Variants in KLHL23 observed in about 807,000 individuals in gnomAD.
The protein encoded by KLHL23 is kelch like family member 23.
A neutral mutation model predicts 48.9 loss-of-function variants in KLHL23; 33 were observed. The observed-to-expected ratio is 0.67, with a 90% confidence interval of 0.51 to 0.90. The LOEUF (loss-of-function observed/expected upper bound fraction) is 0.90. KLHL23 is among the 40% of genes least tolerant of loss of function. KLHL23 has a pLI of 0.00. For synonymous variants in KLHL23, 234 were observed against 231.6 expected (o/e 1.01, Z -0.09); for missense variants, 608 against 669.6 (o/e 0.91, Z 1.02).
intron 2 of KLHL23, among the ~76,000 whole-genome samples, chr2:169,738,537 T>G (rs920188862): frequency 6.6e-6 from 1 of 152,212 alleles, no homozygotes; most frequent in African/African-American, 2.4e-5. Flanking sequence ...CAGTCAAATT[T>G]AAAATTTATT....
Position 169,741,371 on chromosome 2 carries a change from T to C in KLHL23, c.1214-14T>C, listed in dbSNP as rs527593169. 12 of 1,590,812 alleles carry C rather than the reference T, an allele frequency of 7.5e-6. No individual in the cohort carries two copies. The African/African-American group carries it at 9.4e-5, about 13-fold the overall frequency. ...AAAGATCAATCTAAAGATGTGATTT[T>C]AATTAATACGTAGGTGTGGGAAATG... is the stretch of plus-strand genomic sequence containing the variant. On this transcript the variant is annotated splice_polypyrimidine_tract_variant and intron_variant, in intron 2 of 3. Transcript: ENST00000392647.
intron 3 of KLHL23, among the ~76,000 whole-genome samples, chr2:169,743,649 G>A (rs1688726227): frequency 6.6e-6 from 1 of 152,218 alleles, no homozygotes; most frequent in Non-Finnish European, 1.5e-5. Context: ...AGCCTTGGAT[G>A]TATTCCTTCT....
rs1231962508 is a variant in KLHL23 at position 169,736,369 on chromosome 2, A to G, written c.1213+142A>G. The G allele has an allele frequency of 4.0e-6, 5 of 1,253,738 alleles. No homozygotes were observed. The African/African-American group carries it at 6.1e-5, about 15-fold the overall frequency. The allele number at this position is 1,253,738 out of a possible 1,614,324, so 77.7% of individuals were successfully genotyped here. A position where few individuals can be genotyped will look rare whatever the true frequency, so the allele number is the denominator to read the frequency against. ...CAAATAATGCTACACAGAATGTTCC[A>G]GATAAAAACAGTATAGCATAGTTCC... is the stretch of plus-strand genomic sequence containing the variant. On this transcript the variant is annotated intron_variant, in intron 2 of 3. Coordinates refer to ENST00000392647, the MANE Select transcript of KLHL23 (RefSeq NM_144711.6).
intron 2 of KLHL23, among the ~76,000 whole-genome samples, chr2:169,739,142 A>G (rs1471991169): frequency 6.7e-6 from 1 of 149,314 alleles, no homozygotes; most frequent in Admixed American, 6.7e-5. Context: ...CAGGACCTCA[A>G]AATCGGTTTG....
intron 2 of KLHL23, among the ~76,000 whole-genome samples, chr2:169,740,670 A>G (rs1369031722): frequency 1.4e-4 from 21 of 149,992 alleles, no homozygotes; most frequent in Admixed American, 6.0e-4. Flanking sequence ...GGATGGTCTC[A>G]ATCTCCTGAC....
intron 2 of KLHL23, among the ~76,000 whole-genome samples, chr2:169,737,143 C>T (rs1269646098): frequency 6.6e-6 from 1 of 152,186 alleles, no homozygotes; most frequent in Non-Finnish European, 1.5e-5. Context: ...CCCTGTGCCC[C>T]CGTTTTGTCA....
chr2:169,743,861 A>G (rs928122835), intron 3 of KLHL23, among the ~76,000 whole-genome samples: 1 of 152,228 alleles, frequency 6.6e-6, no homozygotes, highest in African/African-American at 2.4e-5. Context: ...CATCCACTGA[A>G]TTATAGCAAG....
intron 2 of KLHL23, among the ~76,000 whole-genome samples, chr2:169,736,727 A>G (rs1437019677): frequency 2.6e-5 from 4 of 152,192 alleles, no homozygotes; most frequent in African/African-American, 4.8e-5. Flanking sequence ...GGGTCTCGGT[A>G]TCTGTCTGAT....
rs1177028270 is a variant in KLHL23, at chr2:169,735,607, A to C, written c.593A>C (p.Glu198Ala). Reference protein sequence around the residue: ...SRKNLSVWKEEAIIEPVIKWT... With the variant: ...SRKNLSVWKEAAIIEPVIKWT... ...AAGAATCTCAGTGTTTGGAAAGAAG[A>C]AGCTATCATAGAGCCAGTTATTAAG... The change falls in exon 2 of 4, where the codon GAA (glutamate) becomes GCA (alanine). Residue 198 changes from glutamate to alanine, a missense_variant. Around this residue, in one of 3 missense-constraint regions of KLHL23, gnomAD observed 419 missense variants for 473.1 expected, o/e 0.89. Transcript: ENST00000392647. This position sits in a 1 kb window ranked among gnomAD's most constrained non-coding sequence, Gnocchi z 4.5. The C allele has an allele frequency of 5.0e-6, 8 of 1,614,004 alleles. No homozygotes were observed. The Middle Eastern group carries it at 4.9e-4, about 100-fold the overall frequency.
chr2:169,735,700 A>G lies in KLHL23; in HGVS notation c.686A>G (p.Asp229Gly), dbSNP rs1574519302. ...AATCTACTGAGCTATATCAACATTG[A>G]TATAGATCCAGTGTACTTAAAAACA... is the stretch of plus-strand genomic sequence containing the variant. ...LYNLLSYINI[D>G]IDPVYLKTAL... The change falls in exon 2 of 4, where the codon GAT (aspartate) becomes GGT (glycine). Residue 229 changes from aspartate (D) to glycine (G), a missense_variant. Physicochemically the swap from Asp to Gly is moderately conservative, Grantham distance 94. This residue lies in a region of KLHL23 where 419 missense variants were observed against 473.1 expected (regional missense o/e 0.89). Coordinates refer to ENST00000392647, the MANE Select transcript of KLHL23 (RefSeq NM_144711.6). This position sits in a 1 kb window ranked among gnomAD's most constrained non-coding sequence, Gnocchi z 4.5. 3.1e-6 allele frequency: 5 copies of G among 1,614,014 alleles called. No homozygotes were observed. Among genetic ancestry groups the G allele is most frequent in the South Asian group, 1.1e-5 (1 of 91,078 alleles).
rs560998061 is a variant in KLHL23 at position 169,751,455 on chromosome 2, A to T, written c.*1723A>T. 5 of 152,352 alleles carry T rather than the reference A, an allele frequency of 3.3e-5. No individual in the cohort carries two copies. In the East Asian group the frequency reaches 9.6e-4, roughly 29 times the overall value. The allele number at this position is 152,352 out of a possible 1,614,324, so 9.4% of individuals were successfully genotyped here. On this transcript the variant is annotated 3_prime_UTR_variant, in exon 4 of 4. Coordinates refer to ENST00000392647, the MANE Select transcript of KLHL23 (RefSeq NM_144711.6). ...ATGGTACTACATAGCAAGGGCTGTA[A>T]AAATGACCATATCCTTTGCCCCATA...
chr2:169,740,768 ATATATAT>A (rs1558947738), intron 2 of KLHL23, among the ~76,000 whole-genome samples: 19 of 41,878 alleles, frequency 4.5e-4, no homozygotes, highest in Non-Finnish European at 9.1e-4. Context: ...TTTTTATATT[ATATATAT>A]ATATATATAT....
chr2:169,750,681 C>G lies in KLHL23; in HGVS notation c.*949C>G, dbSNP rs1688953179. The G allele has an allele frequency of 1.3e-5, 2 of 151,982 alleles. No individual in the cohort carries two copies. Among genetic ancestry groups the G allele is most frequent in the Non-Finnish European group, 2.9e-5 (2 of 67,982 alleles). 9.4% of individuals were successfully genotyped at this position (151,982 alleles called of 1,614,324 possible). ...TACCAGAGATATACAAAATACTGTG[C>G]AAAAGATTGTTACTGTTCAAAGAGC... On this transcript the variant is annotated 3_prime_UTR_variant, in exon 4 of 4. Coordinates refer to ENST00000392647, the MANE Select transcript of KLHL23 (RefSeq NM_144711.6).
rs956662562 is a variant in KLHL23 at position 169,751,669 on chromosome 2, C to G, written c.*1937C>G. The G allele has an allele frequency of 1.3e-5, 2 of 152,146 alleles. No homozygotes were observed. Among genetic ancestry groups the G allele is most frequent in the African/African-American group, 4.8e-5 (2 of 41,512 alleles). 9.4% of individuals were successfully genotyped at this position (152,146 alleles called of 1,614,324 possible). On this transcript the variant is annotated 3_prime_UTR_variant, in exon 4 of 4. Transcript: ENST00000392647. ...ATAATTATTTGGAAGACTGTAGAAA[C>G]GTGGACATGTTTGATATGGTAAGTA...
chr2:169,744,845 C>T (rs1215994186), intron 3 of KLHL23, among the ~76,000 whole-genome samples: 1 of 151,770 alleles, frequency 6.6e-6, no homozygotes, highest in African/African-American at 2.4e-5. Context: ...GCTTGAGCCA[C>T]CACAACCAGC....
At chr2:169,734,885 T>G in intron 1 of KLHL23, 128 bp from the exon 2 acceptor site, 1 of 1,255,336 alleles carries the variant, frequency 8.0e-7, no homozygotes, top group Non-Finnish European at 1.1e-6. Context: ...CATTTTGCAT[T>G]TATTATTTAG....
chr2:169,735,158 C>A lies in KLHL23; in HGVS notation c.144C>A (p.Phe48Leu). Residue 48 changes from phenylalanine to leucine, a missense_variant, in exon 2 of 4, where the codon TTC becomes TTA. Around this residue, in one of 3 missense-constraint regions of KLHL23, gnomAD observed 419 missense variants for 473.1 expected, o/e 0.89. Transcript: ENST00000392647. The surrounding 1 kb of genome is among the most constrained non-coding windows in gnomAD (Gnocchi z 4.5). ...TTCAGTGTCCTTCAGGCATAATTTT[C>A]CATTGTCACCGAGCCGTTTTAGCTG... ...ITLQCPSGII[F>L]HCHRAVLAAC... 1 of 1,613,336 alleles carries A rather than the reference C, an allele frequency of 6.2e-7. No homozygotes were observed. The highest frequency in any genetic ancestry group is 8.5e-7 in the Non-Finnish European group (1 of 1,179,898).
chr2:169,744,143 TA>T (rs1023654185), intron 3 of KLHL23, among the ~76,000 whole-genome samples: 1 of 152,198 alleles, frequency 6.6e-6, no homozygotes, highest in Non-Finnish European at 1.5e-5. Flanking sequence ...GTAAGATGAT[TA>T]AGTGTTAGTC....
intron 2 of KLHL23, 134 bp from the exon 3 acceptor site, chr2:169,741,251 C>G: frequency 8.5e-7 from 1 of 1,169,714 alleles, no homozygotes; most frequent in Non-Finnish European, 1.2e-6. Context: ...ATTCTTTTGT[C>G]CCTTATAGCA....
Sources: allele counts gnomAD v4.1 joint callset (sites outside exome capture counted in the v4.1 genomes callset), GRCh38; gene constraint gnomAD v4.1.1; regional missense constraint gnomAD v4.1.1; non-coding constraint Gnocchi (gnomAD v3.1); transcripts MANE v1.5; gene names NCBI Gene and HGNC (gene_info 2026-07-23, HGNC 2026-07-21).